IMMP2L: variants seen among roughly 807,000 people sequenced by gnomAD.
The protein encoded by IMMP2L is inner mitochondrial membrane peptidase subunit 2.
Under a neutral mutation model 19.3 loss-of-function variants are expected in IMMP2L, and 18 were observed. The observed-to-expected ratio is 0.93, with a 90% confidence interval of 0.64 to 1.38. The LOEUF is 1.38. Among genes scored for constraint, IMMP2L ranks in the 40% most tolerant of loss-of-function variants. The pLI is 0.00. For synonymous variants in IMMP2L, 76 were observed against 73.0 expected, an observed-to-expected ratio of 1.04 and a Z score of -0.21; for missense variants, 233 against 218.2, an observed-to-expected ratio of 1.07 and a Z score of -0.43.
At chr7:110,687,221 A>G (rs1271767531) in intron 5 of IMMP2L, among the ~76,000 whole-genome samples, 1 of 151,904 alleles carries the variant, frequency 6.6e-6, no homozygotes, top group Non-Finnish European at 1.5e-5. Context: ...ACCTCATTCT[A>G]CCCATCTCTC....
intron 3 of IMMP2L, among the ~76,000 whole-genome samples, chr7:111,474,841 A>G (rs1050887930): frequency 5.9e-5 from 9 of 152,220 alleles, no homozygotes; most frequent in East Asian, 1.9e-4. Flanking sequence ...TAGAATAATG[A>G]ATTTTTAATA....
At chr7:111,298,925 G>C (rs1205580145) in intron 3 of IMMP2L, among the ~76,000 whole-genome samples, 1 of 151,954 alleles carries the variant, frequency 6.6e-6, no homozygotes, top group East Asian at 1.9e-4. Flanking sequence ...TAAAATAAAG[G>C]GGTTAATATT....
intron 3 of IMMP2L, among the ~76,000 whole-genome samples, chr7:111,240,778 A>G (rs1467999730): frequency 6.6e-6 from 1 of 152,038 alleles, no homozygotes; most frequent in South Asian, 2.1e-4. Flanking sequence ...TTCTCCCTGA[A>G]GCATACTAGT....
chr7:111,222,908 T>C (rs1812673444), intron 3 of IMMP2L, among the ~76,000 whole-genome samples: 1 of 151,876 alleles, frequency 6.6e-6, no homozygotes, highest in East Asian at 1.9e-4. Flanking sequence ...ATAGCAAGAA[T>C]TGAAAAGAAC....
chr7:111,242,069 T>C (rs911267476), intron 3 of IMMP2L, among the ~76,000 whole-genome samples: 14 of 151,964 alleles, frequency 9.2e-5, no homozygotes, highest in Admixed American at 3.3e-4. Context: ...TTTTGCATCA[T>C]AGAAGTGATT....
chr7:110,705,147 A>G (rs1794564458), intron 5 of IMMP2L, among the ~76,000 whole-genome samples: 1 of 152,172 alleles, frequency 6.6e-6, no homozygotes, highest in African/African-American at 2.4e-5. Context: ...AGCTACTAAG[A>G]AGAGAGTTTA....
At chr7:110,926,496 T>C (rs1814867219) in intron 4 of IMMP2L, among the ~76,000 whole-genome samples, 1 of 152,148 alleles carries the variant, frequency 6.6e-6, no homozygotes, top group Non-Finnish European at 1.5e-5. Flanking sequence ...TTCATTATTC[T>C]TGTCAAGAAA....
chr7:111,322,624 T>C (rs2130519823), intron 3 of IMMP2L, among the ~76,000 whole-genome samples: 1 of 151,674 alleles, frequency 6.6e-6, no homozygotes, highest in African/African-American at 2.4e-5. Flanking sequence ...AATATACTAA[T>C]ATTAGTAATA....
intron 4 of IMMP2L, among the ~76,000 whole-genome samples, chr7:110,923,087 C>T (rs1814479896): frequency 6.6e-6 from 1 of 152,044 alleles, no homozygotes; most frequent in African/African-American, 2.4e-5. Context: ...ACTGTCCTGA[C>T]ATACCAGTAA....
chr7:111,169,211 ACCCTCCCTGGAG>A (rs1396426754), intron 3 of IMMP2L, among the ~76,000 whole-genome samples: 1 of 151,792 alleles, frequency 6.6e-6, no homozygotes, highest in Non-Finnish European at 1.5e-5. Flanking sequence ...ACCTCCTTGG[ACCCTCCCTGGAG>A]CCCAGATGCC....
intron 3 of IMMP2L, among the ~76,000 whole-genome samples, chr7:111,079,122 CTTT>C (rs1169407875): frequency 6.9e-6 from 1 of 144,796 alleles, no homozygotes; most frequent in Non-Finnish European, 1.5e-5. Flanking sequence ...TAATTTTTTT[CTTT>C]TTTTTTTTTT....
intron 3 of IMMP2L, among the ~76,000 whole-genome samples, chr7:111,427,674 T>C (rs1405946171): frequency 6.6e-6 from 1 of 151,808 alleles, no homozygotes; most frequent in Non-Finnish European, 1.5e-5. Context: ...GGAACAACCT[T>C]GGAAAAGGAT....
chr7:111,322,418 T>C (rs541650647), intron 3 of IMMP2L, among the ~76,000 whole-genome samples: 2 of 152,032 alleles, frequency 1.3e-5, no homozygotes, highest in South Asian at 4.2e-4. Context: ...AATATTATAC[T>C]GAATTGTACA....
At chr7:110,798,203 T>C (rs1379078073) in intron 5 of IMMP2L, among the ~76,000 whole-genome samples, 1 of 151,934 alleles carries the variant, frequency 6.6e-6, no homozygotes, top group Non-Finnish European at 1.5e-5. Context: ...AATATTAAAA[T>C]CTAGGCACTG....
At chr7:111,550,621 A>T (rs921214394) in intron 1 of IMMP2L, among the ~76,000 whole-genome samples, 1 of 152,186 alleles carries the variant, frequency 6.6e-6, no homozygotes. Flanking sequence ...CCTAAAAAAA[A>T]GTCTATTTTA....
rs969511395 is a variant in IMMP2L at position 111,498,078 on chromosome 7, A to G, written c.136-10737T>C. Among the ~76,000 whole-genome samples, 55 of 151,946 alleles carry G rather than the reference A, an allele frequency of 3.6e-4. 1 individual carries two copies. The highest frequency in any genetic ancestry group is 7.4e-4 in the Non-Finnish European group (50 of 67,908). On this transcript the variant is annotated intron_variant, in intron 2 of 5. Transcript: ENST00000405709. ...AAGCATCTGATTTTTATATCCTCTT[A>G]TTACTAATATTTTTAAAGTTTGTGT...
At chr7:111,299,395 A>T (rs2129935278) in intron 3 of IMMP2L, among the ~76,000 whole-genome samples, 1 of 152,270 alleles carries the variant, frequency 6.6e-6, no homozygotes, top group Middle Eastern at 3.4e-3. Flanking sequence ...ACCATCACTG[A>T]ATGCCTACTA....
chr7:111,325,571 T>A (rs575483943), intron 3 of IMMP2L, among the ~76,000 whole-genome samples: 1 of 151,758 alleles, frequency 6.6e-6, no homozygotes, highest in South Asian at 2.1e-4. Flanking sequence ...TTTTGGAGTT[T>A]AGGTTTTTTT....
At chr7:110,920,803 A>G (rs1349999050) in intron 4 of IMMP2L, among the ~76,000 whole-genome samples, 2 of 152,144 alleles carry the variant, frequency 1.3e-5, no homozygotes, top group African/African-American at 4.8e-5. Flanking sequence ...ATAATTTTAG[A>G]TTTACAGAGG....
Sources: gnomAD v4.1 joint callset for allele counts (sites outside exome capture counted in the v4.1 genomes callset) on GRCh38, gnomAD v4.1.1 for gene constraint, MANE v1.5 for transcripts, NCBI Gene and HGNC (gene_info 2026-07-23, HGNC 2026-07-21) for gene names.